GSG1L: variants seen among roughly 807,000 people sequenced by gnomAD.
GSG1L encodes GSG1 like, also known as germ cell-specific gene 1-like protein.
GSG1L carries 24 observed loss-of-function variants against 42.1 expected under a neutral mutation model. That is an observed-to-expected ratio of 0.57 (90% CI 0.41 to 0.80). GSG1L has a LOEUF of 0.80. Ranked by LOEUF, GSG1L falls within the 30% of genes least tolerant of loss-of-function variation. The pLI is 0.00. For synonymous variants in GSG1L, 215 were observed against 203.5 expected, an observed-to-expected ratio of 1.06 and a Z score of -0.48; for missense variants, 445 against 472.2, an observed-to-expected ratio of 0.94 and a Z score of 0.53.
intron 5 of GSG1L, among the ~76,000 whole-genome samples, chr16:27,808,269 T>C (rs1011363557): frequency 6.6e-6 from 1 of 152,148 alleles, no homozygotes; most frequent in African/African-American, 2.4e-5. Context: ...AATTTTTCTA[T>C]AGAGATAGGG....
Position 27,856,963 on chromosome 16 carries a change from T to C in GSG1L, c.551-11902A>G, listed in dbSNP as rs556631787. ...GGTGTCACATAGGTGCACACACCAG[T>C]TCTCTTGGAAGTTCAAGCCCAGCTT... On this transcript the variant is annotated intron_variant, in intron 3 of 6. Coordinates refer to ENST00000447459, the MANE Select transcript of GSG1L (RefSeq NM_001109763.2). 2.6e-5 allele frequency among the ~76,000 whole-genome samples: 4 copies of C among 152,292 alleles called. No homozygotes were observed. The South Asian group carries it at 8.3e-4, about 32-fold the overall frequency.
chr16:28,034,087 C>T (rs1181273101), intron 1 of GSG1L, among the ~76,000 whole-genome samples: 2 of 151,872 alleles, frequency 1.3e-5, no homozygotes, highest in Non-Finnish European at 2.9e-5. Flanking sequence ...TCCATCCTGT[C>T]CCAACCCATC....
At chr16:28,048,305 T>C (rs1234304950) in intron 1 of GSG1L, among the ~76,000 whole-genome samples, 2 of 152,142 alleles carry the variant, frequency 1.3e-5, no homozygotes, top group Non-Finnish European at 2.9e-5. Flanking sequence ...ACAGGGAATG[T>C]ACCTGCTTTT....
At chr16:27,826,335 A>G (rs1253176260) in intron 5 of GSG1L, among the ~76,000 whole-genome samples, 1 of 152,034 alleles carries the variant, frequency 6.6e-6, no homozygotes, top group Admixed American at 6.6e-5. Flanking sequence ...CAAGGGCCCC[A>G]CAGACAGTCC....
At chr16:28,003,569 G>A (rs1023339684) in intron 1 of GSG1L, among the ~76,000 whole-genome samples, 1 of 152,202 alleles carries the variant, frequency 6.6e-6, no homozygotes, top group African/African-American at 2.4e-5. Context: ...AGCATGGCCG[G>A]GTAAATCATG....
chr16:27,946,549 A>AAAAGAAAGAAAGAAAGAAAG (rs201856072), intron 2 of GSG1L, among the ~76,000 whole-genome samples: 6 of 51,890 alleles, frequency 1.2e-4, no homozygotes, highest in African/African-American at 1.8e-4. Context: ...TGTCTCAAAA[A>AAAAGAAAGAAAGAAAGAAAG]AAAGAAAGAA....
In GSG1L at chr16:27,802,828, C is replaced by CT. The variant is rs202203824; in HGVS notation, c.898+4658dup. Among the ~76,000 whole-genome samples the CT allele has an allele frequency of 3.8e-3, 581 of 151,450 alleles. 4 individuals carry two copies. The highest frequency in any genetic ancestry group is 7.0e-3 in the Non-Finnish European group (473 of 67,772). On this transcript the variant is annotated intron_variant, in intron 6 of 6. Coordinates refer to ENST00000447459, the MANE Select transcript of GSG1L (RefSeq NM_001109763.2). ...CACCACCATGCCCAGCTAATTTTAA[C>CT]TTTTTTTTTCAAGATGGGGTCTTGC...
chr16:28,044,815 G>C (rs768202697), intron 1 of GSG1L, among the ~76,000 whole-genome samples: 1 of 152,002 alleles, frequency 6.6e-6, no homozygotes, highest in Non-Finnish European at 1.5e-5. Flanking sequence ...AGTAGGGATG[G>C]GGTTTTGCCA....
chr16:27,968,308 G>C (rs910258804), intron 1 of GSG1L, among the ~76,000 whole-genome samples: 13 of 152,006 alleles, frequency 8.6e-5, no homozygotes, highest in African/African-American at 3.1e-4. Context: ...GGAGTGCAAT[G>C]GCTCAATCAT....
At chr16:27,797,825 A>C (rs2082836710) in intron 6 of GSG1L, among the ~76,000 whole-genome samples, 1 of 110,078 alleles carries the variant, frequency 9.1e-6, no homozygotes. Flanking sequence ...CCATCTCAAA[A>C]AAAAAAAAAA....
chr16:27,940,604 C>CA (rs367831224), intron 2 of GSG1L, among the ~76,000 whole-genome samples: 20,362 of 96,210 alleles, frequency 0.21, 2,792 homozygotes, highest in Non-Finnish European at 0.31. Flanking sequence ...ATCGCAAGAA[C>CA]AAAAAACCAA....
intron 3 of GSG1L, among the ~76,000 whole-genome samples, chr16:27,874,330 G>A (rs975869429): frequency 1.4e-4 from 21 of 151,624 alleles, no homozygotes; most frequent in African/African-American, 4.8e-4. Flanking sequence ...AAGGAGGAGA[G>A]GGGACTGGAG....
At chr16:27,856,897 C>T (rs1174495085) in intron 3 of GSG1L, among the ~76,000 whole-genome samples, 1 of 152,098 alleles carries the variant, frequency 6.6e-6, no homozygotes, top group East Asian at 1.9e-4. Flanking sequence ...TGGAGGTGGG[C>T]TCTAAAAGTG....
Position 28,028,082 on chromosome 16 carries a change from G to A in GSG1L, c.349+34994C>T, listed in dbSNP as rs150994623. On this transcript the variant is annotated intron_variant, in intron 1 of 6. Transcript: ENST00000447459. Reference sequence around the variant, plus strand: ...GCTGGTCACGTACATGTGTCATTTCGTGAGTCTTTCCTAAGCCTATCACAA... The same window carrying A: ...GCTGGTCACGTACATGTGTCATTTCATGAGTCTTTCCTAAGCCTATCACAA... 4.6e-5 allele frequency among the ~76,000 whole-genome samples: 7 copies of A among 152,234 alleles called. No homozygotes were observed. In the South Asian group the frequency reaches 6.2e-4, roughly 14 times the overall value.
chr16:27,994,543 T>C (rs1173755973), intron 1 of GSG1L, among the ~76,000 whole-genome samples: 1 of 152,186 alleles, frequency 6.6e-6, no homozygotes, highest in Non-Finnish European at 1.5e-5. Flanking sequence ...ATTTTTCTTT[T>C]ATGCTCACAT....
chr16:27,823,223 C>T (rs1167769681), intron 5 of GSG1L, among the ~76,000 whole-genome samples: 1 of 152,108 alleles, frequency 6.6e-6, no homozygotes, highest in African/African-American at 2.4e-5. Context: ...CCAGATGTTT[C>T]TCAGGGGTGG....
At chr16:27,820,626 C>T (rs1388688113) in intron 5 of GSG1L, among the ~76,000 whole-genome samples, 2 of 152,144 alleles carry the variant, frequency 1.3e-5, no homozygotes, top group African/African-American at 2.4e-5. Flanking sequence ...TGAGGTCACC[C>T]CTTCCCTGTG....
At chr16:27,898,348 G>T (rs1026996720) in intron 2 of GSG1L, among the ~76,000 whole-genome samples, 1 of 33,434 alleles carries the variant, frequency 3.0e-5, no homozygotes, top group African/African-American at 1.2e-4. Flanking sequence ...AGCCCCACCC[G>T]CCCACCCACC....
rs1596569924 is a variant in GSG1L, at chr16:27,869,152, G to A, written c.550+15334C>T. On this transcript the variant is annotated intron_variant, in intron 3 of 6. Transcript: ENST00000447459. ...TGATGGGGCTCCTCACTGAGGATGG[G>A]CTCAGCTCTCCTCTGATCTTCTAGG... Among the ~76,000 whole-genome samples, 3 of 152,006 alleles carry A rather than the reference G, an allele frequency of 2.0e-5. 1 individual carries two copies. Among genetic ancestry groups the A allele is most frequent in the Admixed American group, 2.0e-4 (3 of 15,298 alleles).
Sources: gnomAD v4.1 joint callset for allele counts (sites outside exome capture counted in the v4.1 genomes callset) on GRCh38, gnomAD v4.1.1 for gene constraint, MANE v1.5 for transcripts, NCBI Gene and HGNC (gene_info 2026-07-23, HGNC 2026-07-21) for gene names.